The following NTMT1 variants were observed in gnomAD, a reference collection of about 807,000 sequenced individuals.
NTMT1 encodes the protein N-terminal Xaa-Pro-Lys N-methyltransferase 1.
Under a neutral mutation model 17.5 loss-of-function variants are expected in NTMT1, and 8 were observed. The ratio of observed to expected loss-of-function variants is 0.46; its 90% CI spans 0.27 to 0.82. The LOEUF is 0.82. NTMT1 is among the 40% of genes least tolerant of loss of function. The pLI is 0.15. For synonymous variants in NTMT1, 128 were observed against 126.8 expected, an observed-to-expected ratio of 1.01 and a Z score of -0.06; for missense variants, 221 against 303.5, an observed-to-expected ratio of 0.73 and a Z score of 2.02.
chr9:129,617,769 A>G (rs1156776890), intron 1 of NTMT1, among the ~76,000 whole-genome samples: 4 of 151,884 alleles, frequency 2.6e-5, no homozygotes, highest in Non-Finnish European at 5.9e-5. Context: ...CTGCAGCCTC[A>G]ACCTCCCAGG....
intron 3 of NTMT1, 113 bp downstream of exon 3, chr9:129,634,419 A>T: frequency 7.7e-7 from 1 of 1,302,340 alleles, no homozygotes; most frequent in Non-Finnish European, 1.0e-6. Context: ...GCCAGTGAGG[A>T]TTCCCCACCC....
In NTMT1 at chr9:129,635,212, C is replaced by G; in HGVS notation, c.420C>G (p.His140Gln). The change falls in exon 4 of 4, where the codon CAC (histidine) becomes CAG (glutamine). Residue 140 changes from histidine (H) to glutamine (Q), a missense_variant. Coordinates refer to ENST00000372483, the MANE Select transcript of NTMT1 (RefSeq NM_014064.4). ...DVIWIQWVIG[H>Q]LTDQHLAEFL... ...CCTTGCCTCTGCCCTCCCCAGGCCA[C>G]CTCACCGATCAGCACCTGGCCGAGT... 1 of 1,608,214 alleles carries G rather than the reference C, an allele frequency of 6.2e-7. No individual in the cohort carries two copies. The highest frequency in any genetic ancestry group is 1.7e-5 in the Admixed American group (1 of 60,012).
chr9:129,608,947 A>T (rs41276768), exon 1 of NTMT1: 28,079 of 152,364 alleles, frequency 0.18, 3,279 homozygotes, highest in African/African-American at 0.34. Flanking sequence ...TCAGCGGGAG[A>T]CGGGGCTTCC....
At chr9:129,616,361 G>A (rs937334734) in intron 1 of NTMT1, among the ~76,000 whole-genome samples, 21 of 152,038 alleles carry the variant, frequency 1.4e-4, no homozygotes, top group Non-Finnish European at 1.5e-4. Flanking sequence ...GACTACAGGC[G>A]TGTGCCACCA....
rs58644449 is a variant in NTMT1 at position 129,629,403 on chromosome 9, T to TC, written c.-55+3108_-55+3109insC. Among the ~76,000 whole-genome samples the TC allele has an allele frequency of 8.3e-3, 1,187 of 142,356 alleles. 17 individuals carry two copies. The highest frequency in any genetic ancestry group is 0.029 in the African/African-American group (1,124 of 38,716). The allele number at this position is 142,356 out of a possible 152,430, so 93.4% of individuals were successfully genotyped here. ...AAGAAGAATTCATTCTTCTTCTTCTTTTTTTGACACAATGTCTCACTCTGT... is the reference window on the plus strand; with the variant it reads ...AAGAAGAATTCATTCTTCTTCTTCTTCTTTTTGACACAATGTCTCACTCTGT... On this transcript the variant is annotated intron_variant, in intron 1 of 3. Transcript: ENST00000372483.
chr9:129,610,488 C>A (rs936901327), intron 1 of NTMT1, among the ~76,000 whole-genome samples: 1 of 151,762 alleles, frequency 6.6e-6, no homozygotes, highest in Non-Finnish European at 1.5e-5. Flanking sequence ...AGTTGGGGGG[C>A]GGGGGCGGCG....
At position 129,635,535 on chromosome 9, in the gene NTMT1, G is replaced by A; in HGVS notation, c.*71G>A. On this transcript the variant is annotated 3_prime_UTR_variant, in exon 4 of 4. Transcript: ENST00000372483. Reference sequence around the variant, plus strand: ...GGAGCTGGCAGCTGGGCAAGATCCAGGCGCCACGCTGGCGGTTCGTGAGTG... The same window carrying A: ...GGAGCTGGCAGCTGGGCAAGATCCAAGCGCCACGCTGGCGGTTCGTGAGTG... 1 of 1,538,828 alleles carries A rather than the reference G, an allele frequency of 6.5e-7. No individual in the cohort carries two copies. Among genetic ancestry groups the A allele is most frequent in the Non-Finnish European group, 8.8e-7 (1 of 1,138,702 alleles).
At chr9:129,615,156 C>T (rs904875363) in intron 1 of NTMT1, among the ~76,000 whole-genome samples, 12 of 152,148 alleles carry the variant, frequency 7.9e-5, no homozygotes, top group African/African-American at 2.2e-4. Flanking sequence ...GTGGGGACTG[C>T]GGAGGGGAGC....
rs1226116266 is a variant in NTMT1, at chr9:129,635,278, C to A, written c.486C>A (p.Ile162=). 17 of 1,613,622 alleles carry A rather than the reference C, an allele frequency of 1.1e-5. No individual in the cohort carries two copies. Among genetic ancestry groups the A allele is most frequent in the Non-Finnish European group, 1.4e-5 (17 of 1,179,986 alleles). ...RCKGSLRPNG[I]IVIKDNMAQE... ...AGGGCAGCCTCCGCCCCAACGGCATCATCGTCATCAAAGACAACATGGCCC... is the reference window on the plus strand; with the variant it reads ...AGGGCAGCCTCCGCCCCAACGGCATAATCGTCATCAAAGACAACATGGCCC... The change falls in exon 4 of 4, where the codon ATC becomes ATA. Residue 162 remains isoleucine (I), a synonymous_variant. Transcript: ENST00000372483.
At chr9:129,621,666 C>T (rs1176974967), upstream of NTMT1, among the ~76,000 whole-genome samples, 1 of 152,212 alleles carries the variant, frequency 6.6e-6, no homozygotes, top group Non-Finnish European at 1.5e-5. Flanking sequence ...CCACTTCTGG[C>T]CAAGACACAG....
chr9:129,627,325 G>A (rs1036550548), intron 1 of NTMT1, among the ~76,000 whole-genome samples: 2 of 152,108 alleles, frequency 1.3e-5, no homozygotes, highest in African/African-American at 2.4e-5. Flanking sequence ...TGGCTTGGCC[G>A]CCCAGCATAC....
chr9:129,623,854 C>A (rs1267761635), upstream of NTMT1, among the ~76,000 whole-genome samples: 1 of 118,376 alleles, frequency 8.4e-6, no homozygotes, highest in Non-Finnish European at 1.6e-5. Flanking sequence ...GAGACGGAGT[C>A]GCGATCTCAG....
chr9:129,635,177 G>A, intron 3 of NTMT1, 31 bp from the exon 4 acceptor site: 4 of 1,592,182 alleles, frequency 2.5e-6, no homozygotes, highest in Non-Finnish European at 3.4e-6. Context: ...CTTGCATGGT[G>A]CCCTGGTAAC....
At chr9:129,632,540 A>G in intron 1 of NTMT1, 110 bp from the exon 2 acceptor site, 2 of 729,906 alleles carry the variant, frequency 2.7e-6, no homozygotes, top group Non-Finnish European at 4.4e-6. Flanking sequence ...TTCTCTCTGC[A>G]CTCAGCAGGA....
intron 3 of NTMT1, 196 bp from the exon 4 acceptor site, chr9:129,635,001 TTTAGGTAGATG>T (rs1831445162): frequency 3.3e-6 from 2 of 613,626 alleles, no homozygotes; most frequent in South Asian, 4.1e-5. Flanking sequence ...TTAATGTGTC[TTTAGGTAGATG>T]ACCTCTGAGC....
intron 3 of NTMT1, chr9:129,634,869 C>T: frequency 3.1e-6 from 1 of 317,996 alleles, no homozygotes; most frequent in South Asian, 3.6e-5. Context: ...CTGGGAGCTC[C>T]TGCAATGCCA....
At chr9:129,617,317 A>G (rs545570754) in intron 1 of NTMT1, among the ~76,000 whole-genome samples, 1 of 152,330 alleles carries the variant, frequency 6.6e-6, no homozygotes. Context: ...CTTGGGACCT[A>G]GTCATCTAAC....
upstream of NTMT1, among the ~76,000 whole-genome samples, chr9:129,625,919 G>T (rs1830867367): frequency 1.3e-5 from 2 of 151,108 alleles, no homozygotes. Context: ...GGCTGACGCA[G>T]GAGAATCGCT....
intron 1 of NTMT1, chr9:129,615,547 C>T: frequency 6.2e-7 from 1 of 1,610,816 alleles, no homozygotes; most frequent in Middle Eastern, 1.7e-4. Flanking sequence ...GCGAATCGCA[C>T]CCGGAAAGGG....
Sources: allele counts gnomAD v4.1 joint callset (sites outside exome capture counted in the v4.1 genomes callset), GRCh38; gene constraint gnomAD v4.1.1; transcripts MANE v1.5; gene names NCBI Gene and HGNC (gene_info 2026-07-23, HGNC 2026-07-21).